Variants in RERE observed in about 807,000 individuals in gnomAD.
RERE encodes arginine-glutamic acid dipeptide repeats.
Under a neutral mutation model 146.1 loss-of-function variants are expected in RERE, and 40 were observed. The observed-to-expected ratio is 0.27, with a 90% CI of 0.21 to 0.36. The LOEUF (loss-of-function observed/expected upper bound fraction) is 0.36, where lower values mean the gene tolerates loss of function less well. RERE is among the 10% of genes least tolerant of loss of function. RERE has a pLI of 1.00. For missense variants in RERE, 1,933 were observed against 2,138.7 expected, an observed-to-expected ratio of 0.90 and a Z score of 1.90; for synonymous variants, 1,003 against 866.0, an observed-to-expected ratio of 1.16 and a Z score of -2.78.
chr1:8,409,999 T>TTA, intron 12 of RERE, among the ~76,000 whole-genome samples: 1 of 116,772 alleles, frequency 8.6e-6, no homozygotes, highest in African/African-American at 3.1e-5. Context: ...TTTTTTTTTT[T>TTA]ACTAAATCCG....
At chr1:8,675,946 G>A (rs1054150466) in intron 1 of RERE, among the ~76,000 whole-genome samples, 1 of 152,034 alleles carries the variant, frequency 6.6e-6, no homozygotes, top group African/African-American at 2.4e-5. Context: ...CATCATCTTA[G>A]CACCCAAAAA....
At chr1:8,531,766 TA>T in intron 7 of RERE, among the ~76,000 whole-genome samples, 1 of 152,312 alleles carries the variant, frequency 6.6e-6, no homozygotes, top group East Asian at 1.9e-4. Flanking sequence ...CCTCCCCAAT[TA>T]TTACAGAGCG....
At chr1:8,434,001 G>A (rs968464746) in intron 11 of RERE, among the ~76,000 whole-genome samples, 8 of 152,220 alleles carry the variant, frequency 5.3e-5, no homozygotes, top group Non-Finnish European at 1.2e-4. Flanking sequence ...CAAAGAGAAT[G>A]AGAAGGAGCA....
chr1:8,451,227 T>G (rs1644386835), intron 11 of RERE, among the ~76,000 whole-genome samples: 1 of 152,206 alleles, frequency 6.6e-6, no homozygotes, highest in Non-Finnish European at 1.5e-5. Flanking sequence ...GGTCAGGAGT[T>G]GGAGACTAGC....
intron 2 of RERE, among the ~76,000 whole-genome samples, chr1:8,653,790 TGA>T (rs199869173): frequency 1.3e-5 from 2 of 151,826 alleles, no homozygotes; most frequent in African/African-American, 4.8e-5. Context: ...GTGGTAACTC[TGA>T]GAGATTCTTC....
intron 12 of RERE, among the ~76,000 whole-genome samples, chr1:8,392,121 C>A (rs1209997722): frequency 1.3e-5 from 2 of 152,210 alleles, no homozygotes; most frequent in Non-Finnish European, 2.9e-5. Flanking sequence ...CAGCATTCTA[C>A]AGATCTTCAG....
intron 1 of RERE, among the ~76,000 whole-genome samples, chr1:8,701,351 G>A (rs1428366858): frequency 6.7e-6 from 1 of 148,356 alleles, no homozygotes; most frequent in Non-Finnish European, 1.5e-5. Flanking sequence ...CCCTCTCTCA[G>A]GCATTTCAAA....
At chr1:8,389,263 G>T (rs963685271) in intron 12 of RERE, among the ~76,000 whole-genome samples, 1 of 152,208 alleles carries the variant, frequency 6.6e-6, no homozygotes, top group Non-Finnish European at 1.5e-5. Context: ...GGGGTATGAA[G>T]AATATGTCTG....
intron 4 of RERE, among the ~76,000 whole-genome samples, chr1:8,605,607 G>A (rs1288280915): frequency 6.6e-6 from 1 of 151,806 alleles, no homozygotes; most frequent in Non-Finnish European, 1.5e-5. Flanking sequence ...AAATTAGCCA[G>A]GTGTGGTGGC....
chr1:8,801,693 C>G (rs1641594615), intron 1 of RERE, among the ~76,000 whole-genome samples: 1 of 152,178 alleles, frequency 6.6e-6, no homozygotes, highest in Non-Finnish European at 1.5e-5. Flanking sequence ...CTAAAATATT[C>G]TGTGCATACA....
intron 6 of RERE, among the ~76,000 whole-genome samples, chr1:8,554,009 T>C (rs1645972795): frequency 6.6e-6 from 1 of 152,016 alleles, no homozygotes; most frequent in Non-Finnish European, 1.5e-5. Flanking sequence ...AAACCCTGTC[T>C]CTACTAAAAA....
At chr1:8,751,530 A>T (rs939603037) in intron 1 of RERE, among the ~76,000 whole-genome samples, 4 of 152,156 alleles carry the variant, frequency 2.6e-5, no homozygotes, top group African/African-American at 9.7e-5. Context: ...CCGAAGTCAA[A>T]CTTATGCTAC....
At chr1:8,501,657 G>A (rs1294667782) in intron 8 of RERE, among the ~76,000 whole-genome samples, 35 of 132,378 alleles carry the variant, frequency 2.6e-4, no homozygotes, top group African/African-American at 1.0e-3. Flanking sequence ...CAGTCCGGGA[G>A]GGAGGTGGGG....
chr1:8,599,394 C>T (rs778282538), intron 4 of RERE, among the ~76,000 whole-genome samples: 37 of 152,070 alleles, frequency 2.4e-4, no homozygotes, highest in African/African-American at 8.0e-4. Context: ...CAATGTACCA[C>T]GCAAATATAT....
intron 6 of RERE, among the ~76,000 whole-genome samples, chr1:8,545,558 C>T (rs563818811): frequency 2.6e-5 from 4 of 152,046 alleles, no homozygotes; most frequent in South Asian, 2.1e-4. Context: ...CTCAGGACAA[C>T]GTGCACGAGC....
intron 1 of RERE, among the ~76,000 whole-genome samples, chr1:8,784,838 G>A (rs1641232255): frequency 6.6e-6 from 1 of 152,104 alleles, no homozygotes; most frequent in Non-Finnish European, 1.5e-5. Flanking sequence ...AAGAAAAAAA[G>A]ACAGTCCACT....
chr1:8,786,164 G>C lies in RERE; in HGVS notation c.-145+30996C>G, dbSNP rs1485440391. The C allele has an allele frequency of 6.7e-5, 39 of 584,890 alleles. No homozygotes were observed. In the Admixed American group the frequency reaches 8.0e-4, roughly 12 times the overall value. The allele number at this position is 584,890 out of a possible 1,614,324, so 36.2% of individuals were successfully genotyped here. ...AGAGCAGCTACTGTTTATTTAAACT[G>C]ATCAGACTAGAAAAATAATTGTGGT... On this transcript the variant is annotated intron_variant, in intron 1 of 22. Transcript: ENST00000400908.
intron 15 of RERE, 192 bp downstream of exon 15, chr1:8,363,864 G>A: frequency 3.3e-6 from 2 of 607,094 alleles, no homozygotes; most frequent in Admixed American, 2.9e-5. Flanking sequence ...CCACCCTGGG[G>A]CCCCTCGAAG....
chr1:8,388,101 G>A (rs1324741715), intron 12 of RERE, among the ~76,000 whole-genome samples: 1 of 152,148 alleles, frequency 6.6e-6, no homozygotes, highest in Non-Finnish European at 1.5e-5. Context: ...GGGATAAAGG[G>A]GAATGAAAAC....
Sources: allele counts gnomAD v4.1 joint callset (sites outside exome capture counted in the v4.1 genomes callset), GRCh38; gene constraint gnomAD v4.1.1; transcripts MANE v1.5; gene names NCBI Gene and HGNC (gene_info 2026-07-23, HGNC 2026-07-21).